Variants in KLF13 observed in about 807,000 individuals in gnomAD.
KLF13 encodes the protein KLF transcription factor 13.
Under a neutral mutation model 16.7 loss-of-function variants are expected in KLF13, and 8 were observed. The observed-to-expected ratio is 0.48, with a 90% CI of 0.28 to 0.87. KLF13 has a LOEUF of 0.87. Among genes scored for constraint, KLF13 ranks in the 40% least tolerant of loss-of-function variants. The probability of loss-of-function intolerance (pLI) is 0.10; values close to 1 mark genes in which losing one functional copy is unlikely to be tolerated. For synonymous variants in KLF13, 245 were observed against 208.4 expected (o/e 1.18, Z -1.51); for missense variants, 447 against 452.2 (o/e 0.99, Z 0.10).
chr15:31,380,216 C>T (rs533313617), downstream of KLF13, among the ~76,000 whole-genome samples: 4 of 152,240 alleles, frequency 2.6e-5, no homozygotes, highest in South Asian at 4.1e-4. Flanking sequence ...CGTTTGAACC[C>T]GGGAGGCAGA....
chr15:31,410,738 A>G (rs1392495407), intron 1 of KLF13, among the ~76,000 whole-genome samples: 1 of 152,182 alleles, frequency 6.6e-6, no homozygotes, highest in African/African-American at 2.4e-5. Context: ...CTAAACATGT[A>G]TATGCCTAAC....
chr15:31,434,808 G>A (rs944553468), intron 1 of KLF13, among the ~76,000 whole-genome samples: 16 of 152,306 alleles, frequency 1.1e-4, no homozygotes, highest in African/African-American at 2.6e-4. Flanking sequence ...CAATGCCGGC[G>A]CGCAGCAGCT....
intron 1 of KLF13, among the ~76,000 whole-genome samples, chr15:31,330,119 G>A (rs1248040063): frequency 2.0e-5 from 3 of 152,326 alleles, no homozygotes; most frequent in East Asian, 3.9e-4. Flanking sequence ...GGGAGAAGAG[G>A]AGCTTGCTGT....
chr15:31,423,113 G>A (rs535770811), intron 1 of KLF13, among the ~76,000 whole-genome samples: 1,152 of 109,022 alleles, frequency 0.011, 147 homozygotes, highest in Non-Finnish European at 0.013. Flanking sequence ...ATACGTATAC[G>A]TATATATACG....
At chr15:31,340,057 T>C (rs896673874) in intron 1 of KLF13, 2 of 702,128 alleles carry the variant, frequency 2.8e-6, no homozygotes, top group African/African-American at 3.5e-5. Context: ...CCCTGGTGGG[T>C]GGTGTGTCCT....
intron 1 of KLF13, among the ~76,000 whole-genome samples, chr15:31,328,387 TCAG>T (rs1434160914): frequency 3.3e-5 from 5 of 151,810 alleles, no homozygotes; most frequent in Non-Finnish European, 5.9e-5. Context: ...GTAACCAAAG[TCAG>T]CGGCGGCGCT....
intron 1 of KLF13, among the ~76,000 whole-genome samples, chr15:31,347,205 A>C (rs932404143): frequency 6.6e-6 from 1 of 152,126 alleles, no homozygotes; most frequent in Non-Finnish European, 1.5e-5. Flanking sequence ...TCCCAGAAAA[A>C]GGCTTCTTTG....
At chr15:31,369,068 C>G (rs1164457419) in intron 1 of KLF13, among the ~76,000 whole-genome samples, 1 of 152,234 alleles carries the variant, frequency 6.6e-6, no homozygotes, top group Non-Finnish European at 1.5e-5. Flanking sequence ...TTACCTGACT[C>G]CTATCCCTCC....
Position 31,375,766 on chromosome 15 carries a change from T to G in KLF13, c.*3467T>G, listed in dbSNP as rs2140970912. On this transcript the variant is annotated 3_prime_UTR_variant, in exon 2 of 2. Coordinates refer to ENST00000307145, the MANE Select transcript of KLF13 (RefSeq NM_015995.4). ...CTTTCCTTAAAGAGCCCTGGGGTCC[T>G]GTCCTGCAGGATGCTGCATAGGAAT... The G allele has an allele frequency of 6.6e-6, 1 of 152,320 alleles. No homozygotes were observed. Among genetic ancestry groups the G allele is most frequent in the South Asian group, 2.1e-4 (1 of 4,830 alleles). The allele number at this position is 152,320 out of a possible 1,614,324, so 9.4% of individuals were successfully genotyped here. A position where few individuals can be genotyped will look rare whatever the true frequency, so the allele number is the denominator to read the frequency against.
At position 31,327,556 on chromosome 15, in the gene KLF13, C is replaced by T. The variant is rs1462511555; in HGVS notation, c.344C>T (p.Ala115Val). 4 of 1,120,778 alleles carry T rather than the reference C, an allele frequency of 3.6e-6. No homozygotes were observed. Among genetic ancestry groups the T allele is most frequent in the Non-Finnish European group, 4.4e-6 (4 of 914,932 alleles). The allele number at this position is 1,120,778 out of a possible 1,614,324, so 69.4% of individuals were successfully genotyped here. A position where few individuals can be genotyped will look rare whatever the true frequency, so the allele number is the denominator to read the frequency against. ...TCCCCCGGCGCCGAAGGCGCGGCGG[C>T]CGCGCCCCCCAGCCCGGCGTGGAGC... Reference protein sequence around the residue: ...PTSPGAEGAAAAPPSPAWSEP... With the variant: ...PTSPGAEGAAVAPPSPAWSEP... The change falls in exon 1 of 2, where the codon GCC (alanine) becomes GTC (valine). Residue 115 changes from alanine to valine, a missense_variant. By Grantham distance (64) the Ala-to-Val change is moderately conservative. Transcript: ENST00000307145.
chr15:31,338,985 G>A (rs1439801743), intron 1 of KLF13, among the ~76,000 whole-genome samples: 1 of 152,156 alleles, frequency 6.6e-6, no homozygotes, highest in Non-Finnish European at 1.5e-5. Flanking sequence ...TGTGCTGTCT[G>A]TAGCTGCTCA....
chr15:31,337,953 G>A (rs1175406479), intron 1 of KLF13, among the ~76,000 whole-genome samples: 1 of 152,206 alleles, frequency 6.6e-6, no homozygotes, highest in African/African-American at 2.4e-5. Flanking sequence ...TGACAGAGCA[G>A]GAGCCTGTCA....
intron 1 of KLF13, among the ~76,000 whole-genome samples, chr15:31,343,725 C>G (rs1308826604): frequency 6.6e-6 from 1 of 152,218 alleles, no homozygotes; most frequent in African/African-American, 2.4e-5. Flanking sequence ...TCTGGCTTTC[C>G]AACAGCACGC....
intron 1 of KLF13, among the ~76,000 whole-genome samples, chr15:31,328,723 C>T (rs895067499): frequency 2.6e-5 from 4 of 152,228 alleles, no homozygotes; most frequent in African/African-American, 7.2e-5. Flanking sequence ...GTAGTTGATT[C>T]ATCTGTGGCG....
At chr15:31,369,443 C>T (rs558438117) in intron 1 of KLF13, among the ~76,000 whole-genome samples, 1 of 152,240 alleles carries the variant, frequency 6.6e-6, no homozygotes, top group Non-Finnish European at 1.5e-5. Flanking sequence ...TGGCTCGGAG[C>T]TCTTGACCCA....
intron 2 of KLF13, among the ~76,000 whole-genome samples, chr15:31,401,525 C>T (rs2040036742): frequency 6.6e-6 from 1 of 152,182 alleles, no homozygotes; most frequent in Admixed American, 6.5e-5. Flanking sequence ...GCCCTCTGGG[C>T]ACAGGGCCTG....
intron 1 of KLF13, among the ~76,000 whole-genome samples, chr15:31,361,872 T>C (rs994732191): frequency 7.6e-6 from 1 of 130,750 alleles, no homozygotes; most frequent in African/African-American, 2.9e-5. Context: ...CTTTCCATAC[T>C]GTGTCCCTTT....
At chr15:31,420,413 G>A (rs890466690) in intron 1 of KLF13, 11 of 1,120,922 alleles carry the variant, frequency 9.8e-6, no homozygotes, top group Non-Finnish European at 1.5e-5. Context: ...TGAGCCCACA[G>A]TGAAGTTCCT....
At chr15:31,400,211 G>A (rs112775206) in intron 2 of KLF13, among the ~76,000 whole-genome samples, 156 of 152,306 alleles carry the variant, frequency 1.0e-3, no homozygotes, top group African/African-American at 3.5e-3. Flanking sequence ...TCCATTTTCT[G>A]CAGGGAATCC....
Sources: allele counts gnomAD v4.1 joint callset (sites outside exome capture counted in the v4.1 genomes callset), GRCh38; gene constraint gnomAD v4.1.1; transcripts MANE v1.5; gene names NCBI Gene and HGNC (gene_info 2026-07-23, HGNC 2026-07-21).